REDIC1: variants seen among roughly 807,000 people sequenced by gnomAD.
REDIC1 encodes regulator of DNA class I crossover intermediates 1.
chr12:39,683,281 G>C, the REDIC1 span: 3 of 1,127,288 alleles, frequency 2.7e-6, no homozygotes, highest in South Asian at 4.4e-5. Context: ...ACCAAAAATA[G>C]AATGGCTTCC....
At chr12:39,630,882 C>T in the REDIC1 span, among the ~76,000 whole-genome samples, 2 of 152,156 alleles carry the variant, frequency 1.3e-5, no homozygotes, top group Non-Finnish European at 2.9e-5. Context: ...TGAACATCAT[C>T]CTAGTTTGCC....
the REDIC1 span, among the ~76,000 whole-genome samples, chr12:39,662,026 A>C: frequency 6.6e-6 from 1 of 151,998 alleles, no homozygotes; most frequent in Non-Finnish European, 1.5e-5. Context: ...TTGTATCAAT[A>C]TCATGCTGTT....
At chr12:39,650,469 A>C in the REDIC1 span, 1 of 1,339,064 alleles carries the variant, frequency 7.5e-7, no homozygotes, top group South Asian at 1.8e-5. This position sits in a 1 kb window ranked among gnomAD's most constrained non-coding sequence, Gnocchi z 4.3. Context: ...AGTCCTAAGT[A>C]ATACTTCTAG....
At chr12:39,803,336 C>T in the REDIC1 span, among the ~76,000 whole-genome samples, 6 of 152,086 alleles carry the variant, frequency 3.9e-5, no homozygotes, top group East Asian at 7.7e-4. Flanking sequence ...AACAATCTAC[C>T]GTGATCAGTA....
chr12:39,896,016 A>ATATACATG, the REDIC1 span, among the ~76,000 whole-genome samples: 1 of 146,524 alleles, frequency 6.8e-6, no homozygotes, highest in Non-Finnish European at 1.5e-5. Context: ...ACATGTGTAT[A>ATATACATG]TGTATACATA....
chr12:39,834,354 C>G, the REDIC1 span, among the ~76,000 whole-genome samples: 3 of 152,068 alleles, frequency 2.0e-5, no homozygotes, highest in Non-Finnish European at 4.4e-5. Flanking sequence ...TATCTGTCCT[C>G]ACCTCTTTTC....
At chr12:39,895,547 TATATACAC>T in the REDIC1 span, among the ~76,000 whole-genome samples, 5 of 83,816 alleles carry the variant, frequency 6.0e-5, 1 homozygote, top group East Asian at 3.3e-4. Flanking sequence ...TATATATATA[TATATACAC>T]ACACACACAC....
At chr12:39,833,296 A>G in the REDIC1 span, among the ~76,000 whole-genome samples, 1 of 152,078 alleles carries the variant, frequency 6.6e-6, no homozygotes, top group African/African-American at 2.4e-5. Context: ...AAGTTTGCTG[A>G]TCCCTAATCT....
chr12:39,804,329 T>C, the REDIC1 span, among the ~76,000 whole-genome samples: 7 of 152,178 alleles, frequency 4.6e-5, no homozygotes, highest in Non-Finnish European at 1.0e-4. Flanking sequence ...AGAGAAATAG[T>C]TCTAATCTTA....
chr12:39,866,208 G>C, the REDIC1 span, among the ~76,000 whole-genome samples: 1 of 152,180 alleles, frequency 6.6e-6, no homozygotes, highest in African/African-American at 2.4e-5. Context: ...AGAACATTGA[G>C]AAGCATCGTG....
the REDIC1 span, among the ~76,000 whole-genome samples, chr12:39,816,257 C>T: frequency 1.3e-5 from 2 of 152,004 alleles, no homozygotes; most frequent in Non-Finnish European, 2.9e-5. Context: ...CTTCTACAAA[C>T]AAAAATTTCC....
chr12:39,691,026 GAT>G, the REDIC1 span, among the ~76,000 whole-genome samples: 1 of 152,112 alleles, frequency 6.6e-6, no homozygotes, highest in Admixed American at 6.5e-5. Context: ...TAAATGATAA[GAT>G]AGAGGGGTTA....
At chr12:39,653,533 CTTCTTT>C in the REDIC1 span, among the ~76,000 whole-genome samples, 307 of 56,066 alleles carry the variant, frequency 5.5e-3, 24 homozygotes, top group African/African-American at 0.016. Flanking sequence ...TCTTCTTCTT[CTTCTTT>C]TTCTTCTTCT....
chr12:39,714,531 T>G, the REDIC1 span, among the ~76,000 whole-genome samples: 1 of 151,552 alleles, frequency 6.6e-6, no homozygotes, highest in Admixed American at 6.6e-5. Flanking sequence ...TGAAAGTATC[T>G]TTTTTGAATT....
the REDIC1 span, among the ~76,000 whole-genome samples, chr12:39,719,788 T>C: frequency 6.6e-6 from 1 of 152,178 alleles, no homozygotes; most frequent in African/African-American, 2.4e-5. Context: ...ACGTATTTAA[T>C]TGGGTATATA....
the REDIC1 span, among the ~76,000 whole-genome samples, chr12:39,713,080 C>T: frequency 0.79 from 111,944 of 141,116 alleles, 45,175 homozygotes; most frequent in Non-Finnish European, 0.87. Context: ...CACGTGCATA[C>T]GTGTATGTGT....
At chr12:39,652,222 CT>C in the REDIC1 span, among the ~76,000 whole-genome samples, 1 of 152,054 alleles carries the variant, frequency 6.6e-6, no homozygotes, top group South Asian at 2.1e-4. Flanking sequence ...ATGTATAAGT[CT>C]TTGTTTTGAC....
chr12:39,858,925 G>A, the REDIC1 span, among the ~76,000 whole-genome samples: 2 of 152,174 alleles, frequency 1.3e-5, no homozygotes, highest in East Asian at 1.9e-4. Flanking sequence ...CATTTCTAAG[G>A]TTGCATAAAA....
At chr12:39,816,489 T>G in the REDIC1 span, among the ~76,000 whole-genome samples, 1 of 149,022 alleles carries the variant, frequency 6.7e-6, no homozygotes, top group Admixed American at 6.7e-5. Context: ...AAATGACGAG[T>G]TAATGGGTGC....
Sources: gnomAD v4.1 joint callset for allele counts (sites outside exome capture counted in the v4.1 genomes callset) on GRCh38, gnomAD v4.1.1 for gene constraint, Gnocchi (gnomAD v3.1) non-coding constraint, MANE v1.5 for transcripts, NCBI Gene and HGNC (gene_info 2026-07-23, HGNC 2026-07-21) for gene names.